ECI1: variants seen among roughly 807,000 people sequenced by gnomAD.
ECI1 encodes enoyl-CoA delta isomerase 1.
A neutral mutation model predicts 34.2 loss-of-function variants in ECI1; 34 were observed. The observed-to-expected ratio is 1.00, with a 90% CI of 0.76 to 1.33. ECI1 has a LOEUF of 1.33. Among genes scored for constraint, ECI1 ranks in the 40% most tolerant of loss-of-function variants. The probability of loss-of-function intolerance (pLI) is 0.00; values close to 1 mark genes in which losing one functional copy is unlikely to be tolerated. For missense variants in ECI1, 456 were observed against 422.2 expected, an observed-to-expected ratio of 1.08 and a Z score of -0.70; for synonymous variants, 211 against 193.0, an observed-to-expected ratio of 1.09 and a Z score of -0.77.
rs2093553150 is a variant in ECI1, at chr16:2,251,325, C to T, written c.157G>A (p.Ala53Thr). 28 of 1,226,778 alleles carry T rather than the reference C, an allele frequency of 2.3e-5. No homozygotes were observed. Among genetic ancestry groups the T allele is most frequent in the Non-Finnish European group, 2.8e-5 (27 of 978,580 alleles). 76.0% of individuals were successfully genotyped at this position (1,226,778 alleles called of 1,614,324 possible). A position where few individuals can be genotyped will look rare whatever the true frequency, so the allele number is the denominator to read the frequency against. ...GSQRVLVEPD[A>T]GAGVAVMKFK... The stretch of plus-strand genomic sequence containing the variant: ...GGCGCCGCCCGCTCACCTGCGCCCG[C>T]GTCCGGCTCCACCAGCACCCGCTGG... Residue 53 changes from alanine (A) to threonine (T), a missense_variant, in exon 2 of 7, where the codon GCG becomes ACG. By Grantham distance (58) the Ala-to-Thr change is moderately conservative. Coordinates refer to ENST00000301729, the MANE Select transcript of ECI1 (RefSeq NM_001919.4).
chr16:2,251,252 C>T, intron 2 of ECI1, 64 bp downstream of exon 2: 1 of 819,234 alleles, frequency 1.2e-6, no homozygotes, highest in Non-Finnish European at 1.6e-6. Flanking sequence ...GACAGCACCC[C>T]GCGAGCGCGG....
Position 2,242,053 on chromosome 16 carries a change from T to C in ECI1, c.742+993A>G, listed in dbSNP as rs184500075. 3.3e-4 allele frequency among the ~76,000 whole-genome samples: 50 copies of C among 152,102 alleles called. 1 individual carries two copies. Among genetic ancestry groups the C allele is most frequent in the Middle Eastern group, 3.4e-3 (1 of 294 alleles). On this transcript the variant is annotated intron_variant, in intron 6 of 6. Transcript: ENST00000301729. ...TTTTGTATTTTTAGTAGAGACAGGGTTTCACCGTGTTAGCCAGGATGGTCT... is the reference window on the plus strand; with the variant it reads ...TTTTGTATTTTTAGTAGAGACAGGGCTTCACCGTGTTAGCCAGGATGGTCT...
intron 2 of ECI1, among the ~76,000 whole-genome samples, chr16:2,248,087 C>A (rs2093544552): frequency 1.3e-5 from 2 of 152,076 alleles, no homozygotes; most frequent in African/African-American, 4.8e-5. Context: ...ATCAACCATT[C>A]TCTCTTTCTC....
chr16:2,245,750 C>T (rs1162555439), intron 3 of ECI1, among the ~76,000 whole-genome samples: 7 of 151,964 alleles, frequency 4.6e-5, no homozygotes, highest in Non-Finnish European at 8.8e-5. Context: ...CAATGGCTCG[C>T]ACCTGTAATC....
Position 2,243,422 on chromosome 16 carries a change from T to G in ECI1, c.459A>C (p.Gly153=). ...VSAINGACPA[G]GCLVALTCDY... ...CACAGGTCAGGGCCACCAGGCAGCC[T>G]CCAGCGGGGCAGGCTCCCTGCAGGG... is the stretch of plus-strand genomic sequence containing the variant. Residue 153 remains glycine, a synonymous_variant, in exon 5 of 7, where the codon GGA becomes GGC. Coordinates refer to ENST00000301729, the MANE Select transcript of ECI1 (RefSeq NM_001919.4). 6.2e-7 allele frequency: 1 copy of G among 1,613,218 alleles called. No individual in the cohort carries two copies. Among genetic ancestry groups the G allele is most frequent in the African/African-American group, 1.3e-5 (1 of 75,036 alleles).
Position 2,239,549 on chromosome 16 carries a change from G to A in ECI1, c.*430C>T. 3.3e-6 allele frequency: 1 copy of A among 299,850 alleles called. No homozygotes were observed. The highest frequency in any genetic ancestry group is 2.2e-5 in the African/African-American group (1 of 46,070). The allele number at this position is 299,850 out of a possible 1,614,324, so 18.6% of individuals were successfully genotyped here. ...GCGCTCTTCATCCTGATGAGTAAGG[G>A]CAGTGACCAAAGGGCTTTTCCCTGG... On this transcript the variant is annotated 3_prime_UTR_variant, in exon 7 of 7. Coordinates refer to ENST00000301729, the MANE Select transcript of ECI1 (RefSeq NM_001919.4).
In ECI1 at chr16:2,243,391, G is replaced by T; in HGVS notation, c.490C>A (p.Arg164Ser). ...GCLVALTCDY[R>S]ILADNPRYCI... The stretch of plus-strand genomic sequence containing the variant: ...TACCTGGGGTTGTCCGCCAGGATGC[G>T]GTAGTCACAGGTCAGGGCCACCAGG... Residue 164 changes from arginine (R) to serine (S), a missense_variant, in exon 5 of 7, where the codon CGC becomes AGC. Transcript: ENST00000301729. The T allele has an allele frequency of 6.2e-7, 1 of 1,613,598 alleles. No homozygotes were observed. Among genetic ancestry groups the T allele is most frequent in the Non-Finnish European group, 8.5e-7 (1 of 1,180,012 alleles).
chr16:2,248,991 C>A (rs2093546611), intron 2 of ECI1, among the ~76,000 whole-genome samples: 1 of 151,912 alleles, frequency 6.6e-6, no homozygotes, highest in African/African-American at 2.4e-5. Flanking sequence ...ATCATGTGTT[C>A]AAGGTTCATC....
At chr16:2,247,375 G>A (rs182663495) in intron 2 of ECI1, among the ~76,000 whole-genome samples, 2 of 152,280 alleles carry the variant, frequency 1.3e-5, no homozygotes, top group South Asian at 4.1e-4. Flanking sequence ...GATTACAGGC[G>A]TGAGCCCCCG....
At position 2,243,431 on chromosome 16, in the gene ECI1, G is replaced by T; in HGVS notation, c.450C>A (p.Cys150Ter). 6.2e-7 allele frequency: 1 copy of T among 1,612,934 alleles called. No individual in the cohort carries two copies. ...GGGCCACCAGGCAGCCTCCAGCGGG[G>T]CAGGCTCCCTGCAGGGAGAGGCCGG... ...LVLVSAINGA[C>*]PAGGCLVALT... Residue 150 changes from cysteine (C) to a stop codon, truncating the protein, a stop_gained, in exon 5 of 7, where the codon TGC (cysteine) becomes TGA (stop). Coordinates refer to ENST00000301729, the MANE Select transcript of ECI1 (RefSeq NM_001919.4). LOFTEE classifies it high-confidence loss of function.
intron 2 of ECI1, among the ~76,000 whole-genome samples, chr16:2,247,266 T>C (rs1280341406): frequency 1.3e-5 from 2 of 151,904 alleles, no homozygotes; most frequent in Non-Finnish European, 2.9e-5. Context: ...CCGGATAATT[T>C]TTTTCTTTTA....
At chr16:2,248,516 G>C (rs977784278) in intron 2 of ECI1, among the ~76,000 whole-genome samples, 5 of 151,900 alleles carry the variant, frequency 3.3e-5, no homozygotes, top group Non-Finnish European at 7.4e-5. Flanking sequence ...CTGGGTTCAA[G>C]CCATTCTTCT....
At chr16:2,246,512 G>A (rs546245793) in intron 3 of ECI1, among the ~76,000 whole-genome samples, 1 of 152,290 alleles carries the variant, frequency 6.6e-6, no homozygotes, top group East Asian at 1.9e-4. Context: ...CTCCCAGGAA[G>A]GCGGTCTCCC....
intron 2 of ECI1, among the ~76,000 whole-genome samples, chr16:2,250,261 CAAAAAAAAAAAAA>C (rs560687371): frequency 1.5e-4 from 10 of 67,634 alleles, no homozygotes; most frequent in African/African-American, 5.7e-4. Flanking sequence ...ACTACATCTC[CAAAAAAAAAAAAA>C]AAAAAAAAAA....
chr16:2,246,486 G>A (rs373735906), intron 3 of ECI1, among the ~76,000 whole-genome samples: 5 of 152,274 alleles, frequency 3.3e-5, no homozygotes, highest in South Asian at 2.1e-4. Context: ...ACGACGGCCC[G>A]GGCAGGGAAG....
intron 6 of ECI1, chr16:2,242,711 G>A: frequency 2.5e-6 from 1 of 398,738 alleles, no homozygotes; most frequent in Non-Finnish European, 4.7e-6. Context: ...GCGTAAGGAT[G>A]GAGGCAGAGA....
chr16:2,245,256 GGGCCAGACCCCCCAA>G (rs2141502094), intron 3 of ECI1, among the ~76,000 whole-genome samples: 1 of 152,346 alleles, frequency 6.6e-6, no homozygotes, highest in Non-Finnish European at 1.5e-5. Flanking sequence ...TTCCTCCCGA[GGGCCAGACCCCCCAA>G]GGCTGTGGGT....
chr16:2,241,910 A>C (rs2093528972), intron 6 of ECI1: 1 of 148,128 alleles, frequency 6.8e-6, no homozygotes, highest in Admixed American at 6.8e-5. Flanking sequence ...CTCAGGCTAG[A>C]GTACAGTGGT....
intron 4 of ECI1, chr16:2,244,004 C>T: frequency 2.9e-6 from 1 of 343,868 alleles, no homozygotes; most frequent in Non-Finnish European, 5.7e-6. Flanking sequence ...TCACAGCCAC[C>T]CCGCAGGACA....
Sources: gnomAD v4.1 joint callset for allele counts (sites outside exome capture counted in the v4.1 genomes callset) on GRCh38, gnomAD v4.1.1 for gene constraint, MANE v1.5 for transcripts, NCBI Gene and HGNC (gene_info 2026-07-23, HGNC 2026-07-21) for gene names.